UBE3B: variants seen among roughly 807,000 people sequenced by gnomAD.
The protein encoded by UBE3B is ubiquitin-protein ligase E3B.
UBE3B carries 80 observed loss-of-function variants against 132.3 expected under a neutral mutation model. That is an observed-to-expected ratio of 0.60 (90% CI 0.50 to 0.73). The LOEUF (loss-of-function observed/expected upper bound fraction) is 0.73. Among genes scored for constraint, UBE3B ranks in the 30% least tolerant of loss-of-function variants. The pLI is 0.00. For missense variants in UBE3B, 1,196 were observed against 1,362.5 expected (o/e 0.88, Z 1.92); for synonymous variants, 487 against 520.4 (o/e 0.94, Z 0.87).
Position 109,483,873 on chromosome 12 carries a change from T to G in UBE3B, c.174T>G (p.Asp58Glu). The G allele has an allele frequency of 6.2e-7, 1 of 1,610,978 alleles. No homozygotes were observed. Among genetic ancestry groups the G allele is most frequent in the South Asian group, 1.1e-5 (1 of 89,890 alleles). Residue 58 changes from aspartate to glutamate, a missense_variant, in exon 4 of 28, where the codon GAT becomes GAG. Asp to Glu is a conservative substitution (Grantham distance 45, BLOSUM62 2). Transcript: ENST00000342494. ...CTTTCTTTTCTAGGAGAGAGATTGA[T>G]GACTTTTTTAAAGCAGATGACCCTG... The part of the protein sequence containing the change: ...RLQRDIRREI[D>E]DFFKADDPES...
At chr12:109,530,689 A>G (rs1216649160) in intron 26 of UBE3B, 31 bp downstream of exon 26, 4 of 1,590,474 alleles carry the variant, frequency 2.5e-6, no homozygotes, top group African/African-American at 1.3e-5. Context: ...GCATGCATGC[A>G]TGTATTCTCA....
chr12:109,539,282 C>T (rs965786124), downstream of UBE3B, among the ~76,000 whole-genome samples: 9 of 152,176 alleles, frequency 5.9e-5, no homozygotes, highest in East Asian at 1.9e-4. Flanking sequence ...GCAGCCTAGG[C>T]GGCATTCATA....
At chr12:109,490,270 G>C (rs1877230455) in intron 8 of UBE3B, 2 of 1,077,602 alleles carry the variant, frequency 1.9e-6, no homozygotes, top group Non-Finnish European at 2.6e-6. Flanking sequence ...TTAAACTCTG[G>C]AAGGAGACCT....
downstream of UBE3B, among the ~76,000 whole-genome samples, chr12:109,539,454 G>A (rs1354880714): frequency 3.3e-5 from 5 of 152,182 alleles, no homozygotes; most frequent in Admixed American, 6.5e-5. Context: ...GCATCCTGCC[G>A]CTGGGTGCAA....
intron 8 of UBE3B, 112 bp from the exon 9 acceptor site, chr12:109,490,933 C>A: frequency 1.6e-6 from 2 of 1,231,132 alleles, no homozygotes; most frequent in Non-Finnish European, 2.3e-6. Flanking sequence ...CCATGCCTGG[C>A]TCACAATACA....
chr12:109,487,736 A>G lies in UBE3B; in HGVS notation c.448-836A>G, dbSNP rs543242631. Among the ~76,000 whole-genome samples, 3 of 152,364 alleles carry G rather than the reference A, an allele frequency of 2.0e-5. No individual in the cohort carries two copies. The East Asian group carries it at 5.8e-4, about 29-fold the overall frequency. The stretch of plus-strand genomic sequence containing the variant: ...AAGTTTATGCAAAGAAACAGACGTC[A>G]GGAGAAAAAGGGCCCTGACTCTGGA... On this transcript the variant is annotated intron_variant, in intron 6 of 27. Coordinates refer to ENST00000342494, the MANE Select transcript of UBE3B (RefSeq NM_130466.4).
At chr12:109,514,409 A>T (rs1880746392) in intron 18 of UBE3B, among the ~76,000 whole-genome samples, 1 of 152,188 alleles carries the variant, frequency 6.6e-6, no homozygotes, top group South Asian at 2.1e-4. Flanking sequence ...TGCAGCCTGG[A>T]TAAGCTTGCC....
intron 1 of UBE3B, among the ~76,000 whole-genome samples, chr12:109,478,999 G>A (rs1339685427): frequency 2.0e-5 from 3 of 152,186 alleles, no homozygotes; most frequent in Non-Finnish European, 2.9e-5. Flanking sequence ...GGTAAGACAA[G>A]AGTCTGAATC....
At chr12:109,514,181 T>G (rs1262943891) in intron 18 of UBE3B, among the ~76,000 whole-genome samples, 1 of 152,228 alleles carries the variant, frequency 6.6e-6, no homozygotes, top group Non-Finnish European at 1.5e-5. Context: ...TGGCTGGCCC[T>G]TAAGTCCTCT....
At position 109,501,379 on chromosome 12, in the gene UBE3B, A is replaced by G; in HGVS notation, c.1127A>G (p.Glu376Gly). 1.2e-6 allele frequency: 2 copies of G among 1,614,138 alleles called. No homozygotes were observed. The highest frequency in any genetic ancestry group is 1.1e-5 in the South Asian group (1 of 91,082). The stretch of plus-strand genomic sequence containing the variant: ...CCTCTGCTCTCTCCTAGCCTTAACG[A>G]GTCAATGCACTTGATCACCAAACAG... ...FSQSVDYGLN[E>G]SMHLITKQLQ... is the part of the protein sequence containing the mutation. The change falls in exon 13 of 28, where the codon GAG (glutamate) becomes GGG (glycine). Residue 376 changes from glutamate (E) to glycine (G), a missense_variant. By Grantham distance (98) the Glu-to-Gly change is moderately conservative. Transcript: ENST00000342494.
intron 9 of UBE3B, among the ~76,000 whole-genome samples, chr12:109,495,679 T>C (rs1878103351): frequency 6.6e-6 from 1 of 152,210 alleles, no homozygotes; most frequent in Admixed American, 6.5e-5. Context: ...AGATTATAGA[T>C]TAACTAAAAG....
chr12:109,517,030 T>A, intron 19 of UBE3B, 146 bp downstream of exon 19: 1 of 1,286,446 alleles, frequency 7.8e-7, no homozygotes, highest in South Asian at 1.6e-5. Flanking sequence ...AGGGGTCATT[T>A]GTCCTGTTGA....
At chr12:109,484,155 G>A in intron 4 of UBE3B, 174 bp downstream of exon 4, 1 of 604,412 alleles carries the variant, frequency 1.7e-6, no homozygotes, top group Non-Finnish European at 2.6e-6. Flanking sequence ...AGTGCTTTTA[G>A]GAATCTTTTC....
rs1169075196 is a variant in UBE3B, at chr12:109,486,189, A to G, written c.342+118A>G. 6.5e-6 allele frequency: 7 copies of G among 1,074,684 alleles called. No individual in the cohort carries two copies. In the Admixed American group the frequency reaches 1.5e-4, roughly 24 times the overall value. The allele number at this position is 1,074,684 out of a possible 1,614,324, so 66.6% of individuals were successfully genotyped here. A position where few individuals can be genotyped will look rare whatever the true frequency, so the allele number is the denominator to read the frequency against. On this transcript the variant is annotated intron_variant, in intron 5 of 27. Coordinates refer to ENST00000342494, the MANE Select transcript of UBE3B (RefSeq NM_130466.4). The stretch of plus-strand genomic sequence containing the variant: ...ACACACAAATGCAAATAAGTAGTGG[A>G]TGGAAAACATTACCAAAGTACAAAT...
chr12:109,517,199 C>G (rs1440090820), intron 19 of UBE3B, among the ~76,000 whole-genome samples: 1 of 152,308 alleles, frequency 6.6e-6, no homozygotes, highest in African/African-American at 2.4e-5. Flanking sequence ...AGCGGCTGCA[C>G]TAACACTCTC....
chr12:109,505,822 G>A (rs1030974755), intron 14 of UBE3B, among the ~76,000 whole-genome samples: 5 of 152,148 alleles, frequency 3.3e-5, no homozygotes, highest in African/African-American at 1.2e-4. Flanking sequence ...TCCCACTGCT[G>A]GCTAATATAC....
intron 24 of UBE3B, among the ~76,000 whole-genome samples, chr12:109,527,407 T>C (rs868798680): frequency 1.3e-5 from 2 of 152,174 alleles, no homozygotes; most frequent in Admixed American, 6.5e-5. Context: ...AGTTGAGCAT[T>C]TGAACTGTTA....
chr12:109,544,028 T>C, the UBE3B span, among the ~76,000 whole-genome samples: 1 of 151,552 alleles, frequency 6.6e-6, no homozygotes, highest in Non-Finnish European at 1.5e-5. Flanking sequence ...GGCTTAAGGG[T>C]TGAGCCTCAG....
At chr12:109,496,960 A>G (rs1338854772) in intron 9 of UBE3B, among the ~76,000 whole-genome samples, 2 of 152,102 alleles carry the variant, frequency 1.3e-5, no homozygotes, top group Non-Finnish European at 2.9e-5. Flanking sequence ...TCATTGCCTA[A>G]CCTGAAATCT....
Sources: gnomAD v4.1 joint callset for allele counts (sites outside exome capture counted in the v4.1 genomes callset) on GRCh38, gnomAD v4.1.1 for gene constraint, MANE v1.5 for transcripts, NCBI Gene and HGNC (gene_info 2026-07-23, HGNC 2026-07-21) for gene names.